CDKL5: variants seen among roughly 807,000 people sequenced by gnomAD.
CDKL5 encodes cyclin dependent kinase like 5.
A neutral mutation model predicts 61.7 loss-of-function variants in CDKL5; 8 were observed. The ratio of observed to expected loss-of-function variants is 0.13; its 90% CI spans 0.08 to 0.23. The LOEUF (loss-of-function observed/expected upper bound fraction) is 0.23, where lower values mean the gene tolerates loss of function less well. Among genes scored for constraint, CDKL5 ranks in the 10% least tolerant of loss-of-function variants. The pLI, the probability that CDKL5 is intolerant of heterozygous loss-of-function variation, is 1.00. For synonymous variants in CDKL5, 275 were observed against 272.3 expected (o/e 1.01, Z -0.10); for missense variants, 440 against 734.5 (o/e 0.60, Z 4.63).
chrX:18,521,057 A>T (rs976007436), intron 3 of CDKL5, among the ~76,000 whole-genome samples: 6 of 111,535 alleles, frequency 5.4e-5, no homozygotes, highest in Non-Finnish European at 7.5e-5. Context: ...ATTACTTTTT[A>T]ATTGTTGCCA....
At chrX:18,572,957 G>A (rs895539144) in intron 4 of CDKL5, among the ~76,000 whole-genome samples, 1 of 111,884 alleles carries the variant, frequency 8.9e-6, no homozygotes, top group East Asian at 2.8e-4. Flanking sequence ...ACTGTGATAA[G>A]GAATAATGGG....
chrX:18,644,395 C>G (rs773168630), downstream of CDKL5: 1 of 1,185,099 alleles, frequency 8.4e-7, no homozygotes, highest in Non-Finnish European at 1.1e-6. Context: ...CCAGAGGGTG[C>G]GAGCTGAAGT....
rs367674558 is a variant in CDKL5, at chrX:18,613,163, C to T, written c.2164C>T (p.Arg722Cys). 2.5e-6 allele frequency: 3 copies of T among 1,184,869 alleles called. No individual in the cohort carries two copies. Among genetic ancestry groups the T allele is most frequent in the African/African-American group, 1.8e-5 (1 of 55,819 alleles). The stretch of plus-strand genomic sequence containing the variant: ...TTTTCTTTATTCAGTGCCATCTCCA[C>T]GTCCAGACAATTCTTTCCATGAAAA... ...VGSFYRVPSP[R>C]PDNSFHENNV... Residue 722 changes from arginine to cysteine, a missense_variant, in exon 15 of 18, where the codon CGT becomes TGT. Around this residue, in one of 2 missense-constraint regions of CDKL5, gnomAD observed 363 missense variants for 516.3 expected, o/e 0.70. Coordinates refer to ENST00000623535, the MANE Select transcript of CDKL5 (RefSeq NM_001323289.2).
chrX:18,569,638 T>A (rs1925076653), intron 4 of CDKL5, among the ~76,000 whole-genome samples: 1 of 112,325 alleles, frequency 8.9e-6, no homozygotes, highest in African/African-American at 3.2e-5. Context: ...TTAGATTATA[T>A]AGCTTTGGAC....
intron 9 of CDKL5, among the ~76,000 whole-genome samples, chrX:18,592,771 T>G (rs1295607695): frequency 8.9e-6 from 1 of 112,453 alleles, no homozygotes; most frequent in African/African-American, 3.2e-5. Context: ...ACATGGGACA[T>G]GTAAACTGCA....
chrX:18,612,754 A>C, intron 14 of CDKL5, among the ~76,000 whole-genome samples: 1 of 111,427 alleles, frequency 9.0e-6, no homozygotes, highest in African/African-American at 3.3e-5. Context: ...CTTGGTGTTA[A>C]CTAACCCTTG....
At chrX:18,509,983 C>G (rs757058686) in intron 2 of CDKL5, among the ~76,000 whole-genome samples, 1 of 100,697 alleles carries the variant, frequency 9.9e-6, no homozygotes, top group South Asian at 4.8e-4. Context: ...GAGACCATGT[C>G]TCTACAAAAA....
At chrX:18,648,565 G>C (rs1927891503) in intron 20 of CDKL5, among the ~76,000 whole-genome samples, 1 of 111,475 alleles carries the variant, frequency 9.0e-6, no homozygotes, top group African/African-American at 3.3e-5. Context: ...TGACTAAAGA[G>C]CTCTCCTTTT....
At chrX:18,479,244 G>A (rs1004496923) in intron 1 of CDKL5, among the ~76,000 whole-genome samples, 3 of 101,126 alleles carry the variant, frequency 3.0e-5, no homozygotes, top group Non-Finnish European at 4.1e-5. Context: ...TGTATTTGGA[G>A]TTTGTTGAGT....
chrX:18,592,524 G>A (rs1301727161), intron 9 of CDKL5, among the ~76,000 whole-genome samples: 1 of 111,546 alleles, frequency 9.0e-6, no homozygotes, highest in Non-Finnish European at 1.9e-5. Context: ...AAACAATACT[G>A]TCTATAAAAT....
chrX:18,456,271 C>T (rs1932139250), intron 1 of CDKL5, among the ~76,000 whole-genome samples: 1 of 110,987 alleles, frequency 9.0e-6, no homozygotes, highest in African/African-American at 3.3e-5. Context: ...CTCCTGACTT[C>T]AGGTGGTCCA....
intron 20 of CDKL5, among the ~76,000 whole-genome samples, chrX:18,648,117 G>A (rs1024609437): frequency 9.9e-5 from 11 of 111,257 alleles, no homozygotes; most frequent in African/African-American, 3.3e-4. Context: ...CAGGAGAATC[G>A]CTTGAACCCG....
At chrX:18,606,278 A>G (rs1322727400) in intron 12 of CDKL5, among the ~76,000 whole-genome samples, 1 of 112,090 alleles carries the variant, frequency 8.9e-6, no homozygotes, top group Non-Finnish European at 1.9e-5. Flanking sequence ...CTGAGAATAG[A>G]GAGAGGTCAT....
chrX:18,433,499 G>A (rs1374813858), intron 1 of CDKL5, among the ~76,000 whole-genome samples: 2 of 111,785 alleles, frequency 1.8e-5, no homozygotes, highest in Non-Finnish European at 3.8e-5. Context: ...GCGGTGAGCC[G>A]AGATTGCATC....
Position 18,631,160 on chromosome X carries a change from G to A in CDKL5, c.*2403G>A. 1.3e-6 allele frequency: 1 copy of A among 753,202 alleles called. No homozygotes were observed. Among genetic ancestry groups the A allele is most frequent in the Non-Finnish European group, 1.6e-6 (1 of 638,986 alleles). 62.1% of individuals were successfully genotyped at this position (753,202 alleles called of 1,213,427 possible). A position where few individuals can be genotyped will look rare whatever the true frequency, so the allele number is the denominator to read the frequency against. The stretch of plus-strand genomic sequence containing the variant: ...TTGCAGAACATTTCTATTCATGACG[G>A]TTCTTCAAAGAAGGGCTAGAATATT... On this transcript the variant is annotated 3_prime_UTR_variant, in exon 18 of 18. Transcript: ENST00000623535.
chrX:18,462,750 G>A lies in CDKL5; in HGVS notation c.-163+37055G>A, dbSNP rs764208106. Among the ~76,000 whole-genome samples the A allele has an allele frequency of 2.1e-4, 24 of 111,905 alleles. 1 individual carries two copies. The South Asian group carries it at 6.8e-3, about 32-fold the overall frequency. ...AACTAAAAGATACTGGAGGCCGGGC[G>A]TGGTGGCTCACGCCTATAATCTCAG... On this transcript the variant is annotated intron_variant, in intron 1 of 17. Coordinates refer to ENST00000623535, the MANE Select transcript of CDKL5 (RefSeq NM_001323289.2).
intron 1 of CDKL5, among the ~76,000 whole-genome samples, chrX:18,470,378 GAAAA>G (rs1156261679): frequency 6.2e-5 from 3 of 48,433 alleles, no homozygotes; most frequent in South Asian, 9.2e-4. Flanking sequence ...AAGAAGAAAA[GAAAA>G]AAAAAAAAAA....
chrX:18,441,320 T>G (rs1047649727), intron 1 of CDKL5, among the ~76,000 whole-genome samples: 1 of 110,291 alleles, frequency 9.1e-6, no homozygotes. Flanking sequence ...GAGGCTGAGG[T>G]GGGAGGATCA....
At chrX:18,511,496 T>C (rs969667355) in intron 3 of CDKL5, among the ~76,000 whole-genome samples, 1 of 111,387 alleles carries the variant, frequency 9.0e-6, no homozygotes. Flanking sequence ...GTATTTTTTG[T>C]TTAGATAAAA....
Sources: gnomAD v4.1 joint callset for allele counts (sites outside exome capture counted in the v4.1 genomes callset) on GRCh38, gnomAD v4.1.1 for gene constraint, gnomAD v4.1.1 regional missense constraint, MANE v1.5 for transcripts, NCBI Gene and HGNC (gene_info 2026-07-23, HGNC 2026-07-21) for gene names.